Variants in CNTNAP2 observed in about 807,000 individuals in gnomAD.
The protein encoded by CNTNAP2 is contactin-associated protein-like 2.
Under a neutral mutation model 155.2 loss-of-function variants are expected in CNTNAP2, and 98 were observed. The ratio of observed to expected loss-of-function variants is 0.63; its 90% CI spans 0.54 to 0.75. The LOEUF is 0.75. Ranked by LOEUF, CNTNAP2 falls within the 30% of genes least tolerant of loss-of-function variation. The probability of loss-of-function intolerance (pLI) is 0.00; values close to 1 mark genes in which losing one functional copy is unlikely to be tolerated. For missense variants in CNTNAP2, 1,727 were observed against 1,688.1 expected (o/e 1.02, Z -0.40); for synonymous variants, 651 against 631.2 (o/e 1.03, Z -0.47).
At chr7:147,400,262 G>T (rs574861894) in intron 10 of CNTNAP2, among the ~76,000 whole-genome samples, 2 of 152,094 alleles carry the variant, frequency 1.3e-5, no homozygotes, top group African/African-American at 4.8e-5. Flanking sequence ...TGCTTGGGGA[G>T]GGACGGACAT....
chr7:147,609,179 A>G (rs1801132398), intron 12 of CNTNAP2, among the ~76,000 whole-genome samples: 1 of 152,152 alleles, frequency 6.6e-6, no homozygotes, highest in African/African-American at 2.4e-5. Flanking sequence ...TAAAATCTGC[A>G]AAAGTTAAAA....
chr7:146,646,161 C>T (rs1044849510), intron 1 of CNTNAP2, among the ~76,000 whole-genome samples: 1 of 152,108 alleles, frequency 6.6e-6, no homozygotes, highest in Non-Finnish European at 1.5e-5. Flanking sequence ...AACATATCTG[C>T]TTAAAAGCCT....
At chr7:146,947,630 G>GC (rs1185457130) in intron 3 of CNTNAP2, among the ~76,000 whole-genome samples, 5 of 142,000 alleles carry the variant, frequency 3.5e-5, no homozygotes, top group African/African-American at 1.3e-4. Context: ...TCAAAGCCAG[G>GC]CATGGTAGCT....
chr7:148,407,075 G>A (rs1029126942), intron 22 of CNTNAP2, among the ~76,000 whole-genome samples: 2 of 152,164 alleles, frequency 1.3e-5, no homozygotes, highest in African/African-American at 4.8e-5. Context: ...TAAAGATTTA[G>A]TGAATAAGTA....
intron 3 of CNTNAP2, among the ~76,000 whole-genome samples, chr7:146,850,474 C>T (rs1473415588): frequency 2.6e-5 from 4 of 152,142 alleles, no homozygotes; most frequent in African/African-American, 7.2e-5. Flanking sequence ...AGCCAACCAA[C>T]ACTTATTGGG....
At chr7:147,946,552 A>G (rs1563144203) in intron 14 of CNTNAP2, among the ~76,000 whole-genome samples, 1 of 152,144 alleles carries the variant, frequency 6.6e-6, no homozygotes. Flanking sequence ...AGCTAGTTTC[A>G]GGAATAGTTG....
At chr7:147,772,577 C>T (rs1481531780) in intron 13 of CNTNAP2, among the ~76,000 whole-genome samples, 2 of 148,734 alleles carry the variant, frequency 1.3e-5, no homozygotes, top group African/African-American at 4.9e-5. Context: ...AGTTCCAGTA[C>T]GTGAATTGAC....
At chr7:146,275,471 A>G (rs1388543228) in intron 1 of CNTNAP2, among the ~76,000 whole-genome samples, 1 of 152,098 alleles carries the variant, frequency 6.6e-6, no homozygotes, top group Non-Finnish European at 1.5e-5. Flanking sequence ...GAATGATATG[A>G]TATAAAGAAC....
chr7:146,370,125 A>T (rs1795213126), intron 1 of CNTNAP2, among the ~76,000 whole-genome samples: 1 of 151,904 alleles, frequency 6.6e-6, no homozygotes, highest in South Asian at 2.1e-4. Context: ...ATTAAAAAAA[A>T]AAAGTTTTTT....
At chr7:148,022,174 A>G (rs1802290517) in intron 15 of CNTNAP2, among the ~76,000 whole-genome samples, 1 of 138,910 alleles carries the variant, frequency 7.2e-6, no homozygotes, top group African/African-American at 2.8e-5. Context: ...TTTGATGACA[A>G]AAAGAGGGTT....
rs951716627 is a variant in CNTNAP2, at chr7:147,824,358, G to A, written c.2099-79207G>A. 3.3e-5 allele frequency among the ~76,000 whole-genome samples: 5 copies of A among 152,130 alleles called. No individual in the cohort carries two copies. In the South Asian group the frequency reaches 6.2e-4, roughly 19 times the overall value. ...TACTCTCAAGTCTGGCTATGATGAC[G>A]AAGTCTTGAGAAGCTAGTAAGCCTT... is the stretch of plus-strand genomic sequence containing the variant. On this transcript the variant is annotated intron_variant, in intron 13 of 23. Coordinates refer to ENST00000361727, the MANE Select transcript of CNTNAP2 (RefSeq NM_014141.6).
At chr7:147,208,542 T>A (rs1253657404) in intron 8 of CNTNAP2, among the ~76,000 whole-genome samples, 1 of 152,018 alleles carries the variant, frequency 6.6e-6, no homozygotes, top group African/African-American at 2.4e-5. Flanking sequence ...TACTGTCCCC[T>A]ATGACTATCT....
chr7:146,968,715 G>C (rs1484145125), intron 3 of CNTNAP2, among the ~76,000 whole-genome samples: 1 of 151,790 alleles, frequency 6.6e-6, no homozygotes, highest in East Asian at 1.9e-4. Flanking sequence ...TTCTTTATTA[G>C]TCTTGCTAGC....
At chr7:148,195,583 T>C (rs1330756469) in intron 18 of CNTNAP2, among the ~76,000 whole-genome samples, 1 of 152,208 alleles carries the variant, frequency 6.6e-6, no homozygotes, top group African/African-American at 2.4e-5. Context: ...TCAGTTTGTG[T>C]CTTTGGGCAA....
chr7:147,348,897 C>T (rs1795923982), intron 9 of CNTNAP2, among the ~76,000 whole-genome samples: 1 of 151,862 alleles, frequency 6.6e-6, no homozygotes, highest in Admixed American at 6.6e-5. Flanking sequence ...GAAAGTTCAC[C>T]ACCACATGTT....
At chr7:148,212,797 A>T (rs962947175) in intron 18 of CNTNAP2, among the ~76,000 whole-genome samples, 1 of 152,214 alleles carries the variant, frequency 6.6e-6, no homozygotes, top group African/African-American at 2.4e-5. Context: ...GCAGCTGTAA[A>T]TCTGCCACTT....
At position 146,744,209 on chromosome 7, in the gene CNTNAP2, C is replaced by T. The variant is rs1008189827; in HGVS notation, c.98-30062C>T. On this transcript the variant is annotated intron_variant, in intron 1 of 23. Coordinates refer to ENST00000361727, the MANE Select transcript of CNTNAP2 (RefSeq NM_014141.6). ...CACTATTGCACTCCAGCCTGGGTGA[C>T]AAAGTGACACTCTGTCTCAAAAAAA... is the stretch of plus-strand genomic sequence containing the variant. Among the ~76,000 whole-genome samples, 6 of 84,342 alleles carry T rather than the reference C, an allele frequency of 7.1e-5. No homozygotes were observed. The South Asian group carries it at 2.6e-3, about 37-fold the overall frequency. 55.3% of individuals were successfully genotyped at this position (84,342 alleles called of 152,430 possible).
At chr7:146,807,785 A>T (rs1315638333) in intron 2 of CNTNAP2, among the ~76,000 whole-genome samples, 2 of 151,934 alleles carry the variant, frequency 1.3e-5, no homozygotes, top group Admixed American at 6.6e-5. Context: ...CTGCTAAAAA[A>T]ATATATATGT....
At position 146,658,585 on chromosome 7, in the gene CNTNAP2, T is replaced by C. The variant is rs185598810; in HGVS notation, c.98-115686T>C. ...GATCAGAAAGATGAAACATTTGGAA[T>C]TGATGCTTTATGAGGGACATTGAAT... On this transcript the variant is annotated intron_variant, in intron 1 of 23. Transcript: ENST00000361727. Among the ~76,000 whole-genome samples, 326 of 152,238 alleles carry C rather than the reference T, an allele frequency of 2.1e-3. 2 individuals are homozygous for C. The highest frequency in any genetic ancestry group is 7.5e-3 in the African/African-American group (310 of 41,534).
Sources: allele counts gnomAD v4.1 joint callset (sites outside exome capture counted in the v4.1 genomes callset), GRCh38; gene constraint gnomAD v4.1.1; transcripts MANE v1.5; gene names NCBI Gene and HGNC (gene_info 2026-07-23, HGNC 2026-07-21).